The following ZNF736 variants were observed in gnomAD, a reference collection of about 807,000 sequenced individuals.
ZNF736 encodes KRAB-containing zinc-finger repressor protein.
In ZNF736, 6 loss-of-function variants were observed where a neutral mutation model predicts 11.7. The ratio of observed to expected loss-of-function variants is 0.51; its 90% CI spans 0.28 to 1.01. The LOEUF (loss-of-function observed/expected upper bound fraction) is 1.01. ZNF736 is among the 50% of genes least tolerant of loss of function. The pLI is 0.09. For synonymous variants in ZNF736, 139 were observed against 164.7 expected, an observed-to-expected ratio of 0.84 and a Z score of 1.19; for missense variants, 444 against 496.0, an observed-to-expected ratio of 0.90 and a Z score of 1.00.
rs1363985782 is a variant in ZNF736 at position 64,336,421 on chromosome 7, ATTAAATATT to A, written c.130+40_130+48del. ...CTTCAATATACAACTCATATTCTAC[ATTAAATATT>A]TTATTTTCTTCTGATTTTTTTGGAG... On this transcript the variant is annotated intron_variant, in intron 2 of 3. Transcript: ENST00000423484. 6.6e-6 allele frequency: 10 copies of A among 1,521,248 alleles called. No individual in the cohort carries two copies. In the Admixed American group the frequency reaches 2.3e-4, roughly 34 times the overall value. The allele number at this position is 1,521,248 out of a possible 1,614,324, so 94.2% of individuals were successfully genotyped here.
intron 1 of ZNF736, among the ~76,000 whole-genome samples, chr7:64,332,107 GA>G (rs1279576019): frequency 6.7e-6 from 1 of 148,460 alleles, no homozygotes; most frequent in African/African-American, 2.5e-5. Context: ...AGGAGAAAAA[GA>G]AAGAAATGGC....
At chr7:64,325,597 G>A (rs1429399605) in intron 1 of ZNF736, among the ~76,000 whole-genome samples, 1 of 152,072 alleles carries the variant, frequency 6.6e-6, no homozygotes, top group Non-Finnish European at 1.5e-5. Context: ...TGTTGTAAGG[G>A]CAAATACAAA....
chr7:64,345,244 G>A (rs111700243), intron 3 of ZNF736, among the ~76,000 whole-genome samples: 7,552 of 150,454 alleles, frequency 0.05, 639 homozygotes, highest in African/African-American at 0.17. Context: ...GGATGGTCTC[G>A]ATCTCCTGAT....
chr7:64,341,115 T>A (rs186638720), intron 3 of ZNF736, among the ~76,000 whole-genome samples: 1 of 152,162 alleles, frequency 6.6e-6, no homozygotes, highest in Non-Finnish European at 1.5e-5. Flanking sequence ...TTAATTCTGT[T>A]GTGACTCTAC....
In ZNF736 at chr7:64,348,573, CTT is replaced by C. The variant is rs762505630; in HGVS notation, c.713_714del (p.Phe238TyrfsTer8). 6.3e-7 allele frequency: 1 copy of C among 1,589,304 alleles called. No individual in the cohort carries two copies. Among genetic ancestry groups the C allele is most frequent in the Non-Finnish European group, 8.6e-7 (1 of 1,167,584 alleles). ...TACAAATGTGAAGGATGTGGCAAAA[CTT>C]TTACCTGCTCCTCAACCCTTGTTAA... On this transcript the variant is annotated frameshift_variant, in exon 4 of 4. Coordinates refer to ENST00000423484, the MANE Select transcript of ZNF736 (RefSeq NM_001170905.3). LOFTEE classifies it low-confidence loss of function (END_TRUNC).
chr7:64,339,042 A>G (rs1789299282), intron 3 of ZNF736, among the ~76,000 whole-genome samples: 1 of 152,182 alleles, frequency 6.6e-6, no homozygotes, highest in Non-Finnish European at 1.5e-5. Flanking sequence ...GTAATATCTC[A>G]CAATGAATTT....
At chr7:64,330,400 G>A (rs776887471) in intron 1 of ZNF736, among the ~76,000 whole-genome samples, 17 of 151,804 alleles carry the variant, frequency 1.1e-4, no homozygotes, top group Non-Finnish European at 1.9e-4. Flanking sequence ...CTCGTGATCC[G>A]ACCGCCTTGG....
At chr7:64,332,650 A>C (rs982176601) in intron 1 of ZNF736, among the ~76,000 whole-genome samples, 3 of 152,112 alleles carry the variant, frequency 2.0e-5, no homozygotes, top group Non-Finnish European at 4.4e-5. Context: ...GCCTGAGGGT[A>C]CTGCAGGAGA....
intron 1 of ZNF736, among the ~76,000 whole-genome samples, chr7:64,319,333 G>GTATATATATATATA (rs71060585): frequency 2.8e-5 from 2 of 71,638 alleles, no homozygotes; most frequent in Non-Finnish European, 5.8e-5. Flanking sequence ...GTGTGTATGT[G>GTATATATATATATA]TATATATATA....
intron 1 of ZNF736, among the ~76,000 whole-genome samples, chr7:64,315,156 A>G (rs1237136088): frequency 2.0e-5 from 3 of 152,208 alleles, no homozygotes; most frequent in Admixed American, 6.5e-5. Flanking sequence ...GGGCCTCCCC[A>G]GAAGCAGACG....
chr7:64,340,532 C>G lies in ZNF736; in HGVS notation c.226+3550C>G, dbSNP rs1789322519. ...AAATGACTTCAATCAATCTTTAGTTCTAGCAGGTTTTAAAACCCTCTCCTT... is the reference window on the plus strand; with the variant it reads ...AAATGACTTCAATCAATCTTTAGTTGTAGCAGGTTTTAAAACCCTCTCCTT... On this transcript the variant is annotated intron_variant, in intron 3 of 3. Coordinates refer to ENST00000423484, the MANE Select transcript of ZNF736 (RefSeq NM_001170905.3). 2.6e-5 allele frequency among the ~76,000 whole-genome samples: 4 copies of G among 152,290 alleles called. No individual in the cohort carries two copies. In the Middle Eastern group the frequency reaches 0.01, roughly 388 times the overall value.
At chr7:64,316,365 G>T (rs554960198) in intron 1 of ZNF736, among the ~76,000 whole-genome samples, 13 of 152,324 alleles carry the variant, frequency 8.5e-5, no homozygotes, top group African/African-American at 3.1e-4. Flanking sequence ...CCAATCAGGT[G>T]CTGATATTGA....
chr7:64,323,128 A>G (rs1789024787), intron 1 of ZNF736, among the ~76,000 whole-genome samples: 1 of 152,148 alleles, frequency 6.6e-6, no homozygotes, highest in Non-Finnish European at 1.5e-5. Flanking sequence ...CCTTTATGTA[A>G]ATTCTAACCA....
intron 1 of ZNF736, 53 bp downstream of exon 1, chr7:64,314,206 G>A (rs812337): frequency 6.5e-7 from 1 of 1,548,326 alleles, no homozygotes; most frequent in East Asian, 2.4e-5. Flanking sequence ...GTTTGAATCC[G>A]GCCGGAACCG....
chr7:64,325,812 G>C lies in ZNF736; in HGVS notation c.4-10447G>C, dbSNP rs534211712. The stretch of plus-strand genomic sequence containing the variant: ...CTTTCTCTAGGACCTGGAAACCATT[G>C]CATTGAAATGTAAATGGATTACCTT... On this transcript the variant is annotated intron_variant, in intron 1 of 3. Transcript: ENST00000423484. 1.2e-4 allele frequency among the ~76,000 whole-genome samples: 18 copies of C among 152,218 alleles called. No individual in the cohort carries two copies. In the East Asian group the frequency reaches 3.3e-3, roughly 28 times the overall value.
rs1432952725 is a variant in ZNF736, at chr7:64,313,994, C to T, written c.-157C>T. ...TTCAATATGGCGGGGCCTTTGTCTCCTAGCTTCCGGGCTCTGATCCTAGTT... is the reference window on the plus strand; with the variant it reads ...TTCAATATGGCGGGGCCTTTGTCTCTTAGCTTCCGGGCTCTGATCCTAGTT... On this transcript the variant is annotated 5_prime_UTR_variant, in exon 1 of 4. Coordinates refer to ENST00000423484, the MANE Select transcript of ZNF736 (RefSeq NM_001170905.3). 9.8e-6 allele frequency: 10 copies of T among 1,021,268 alleles called. No individual in the cohort carries two copies. The highest frequency in any genetic ancestry group is 4.8e-5 in the African/African-American group (3 of 62,746). The allele number at this position is 1,021,268 out of a possible 1,614,324, so 63.3% of individuals were successfully genotyped here.
chr7:64,319,519 A>G (rs1788973927), intron 1 of ZNF736, among the ~76,000 whole-genome samples: 3 of 100,996 alleles, frequency 3.0e-5, no homozygotes, highest in South Asian at 3.3e-4. Context: ...TTTTTGAGAC[A>G]GAGTCTTGCT....
At position 64,353,695 on chromosome 7, in the gene ZNF736, G is replaced by A. The variant is rs541120755; in HGVS notation, c.*4548G>A. ...ACACGAAGAAATTCTAAGTGGAAAGGCCACTTATTAGTTTACAGCAGTATC... is the reference window on the plus strand; with the variant it reads ...ACACGAAGAAATTCTAAGTGGAAAGACCACTTATTAGTTTACAGCAGTATC... On this transcript the variant is annotated 3_prime_UTR_variant, in exon 4 of 4. Transcript: ENST00000423484. 1 of 27,694 alleles carries A rather than the reference G, an allele frequency of 3.6e-5. No homozygotes were observed. Among genetic ancestry groups the A allele is most frequent in the Admixed American group, 2.3e-4 (1 of 4,312 alleles). 1.7% of individuals were successfully genotyped at this position (27,694 alleles called of 1,614,324 possible). A position where few individuals can be genotyped will look rare whatever the true frequency, so the allele number is the denominator to read the frequency against.
Position 64,319,324 on chromosome 7 carries a change from T to A in ZNF736, c.3+5171T>A, listed in dbSNP as rs1315391309. Among the ~76,000 whole-genome samples, 47 of 72,898 alleles carry A rather than the reference T, an allele frequency of 6.4e-4. 1 individual carries two copies. Among genetic ancestry groups the A allele is most frequent in the African/African-American group, 2.5e-3 (44 of 17,632 alleles). 47.8% of individuals were successfully genotyped at this position (72,898 alleles called of 152,430 possible). A position where few individuals can be genotyped will look rare whatever the true frequency, so the allele number is the denominator to read the frequency against. ...GTGTGTGTGTATATGTATGTGTGTG[T>A]GTGTATGTGTATATATATATATATA... is the stretch of plus-strand genomic sequence containing the variant. On this transcript the variant is annotated intron_variant, in intron 1 of 3. Coordinates refer to ENST00000423484, the MANE Select transcript of ZNF736 (RefSeq NM_001170905.3).
Sources: gnomAD v4.1 joint callset for allele counts (sites outside exome capture counted in the v4.1 genomes callset) on GRCh38, gnomAD v4.1.1 for gene constraint, MANE v1.5 for transcripts, NCBI Gene and HGNC (gene_info 2026-07-23, HGNC 2026-07-21) for gene names.